BAG4: variants seen among roughly 807,000 people sequenced by gnomAD.
The protein encoded by BAG4 is BAG cochaperone 4.
BAG4 carries 28 observed loss-of-function variants against 52.1 expected under a neutral mutation model. That is an observed-to-expected ratio of 0.54 (90% CI 0.40 to 0.74). The LOEUF (loss-of-function observed/expected upper bound fraction) is 0.74, where lower values mean the gene tolerates loss of function less well. Among genes scored for constraint, BAG4 ranks in the 30% least tolerant of loss-of-function variants. The pLI is 0.00. For missense variants in BAG4, 525 were observed against 572.0 expected, an observed-to-expected ratio of 0.92 and a Z score of 0.84; for synonymous variants, 208 against 217.0, an observed-to-expected ratio of 0.96 and a Z score of 0.37.
At chr8:38,200,315 C>G (rs1563283502) in intron 2 of BAG4, among the ~76,000 whole-genome samples, 1 of 151,740 alleles carries the variant, frequency 6.6e-6, no homozygotes, top group African/African-American at 2.4e-5. Context: ...CCTGGGTACC[C>G]TTCCTAAAAA....
intron 2 of BAG4, chr8:38,202,115 C>T (rs1220265494): frequency 6.6e-6 from 1 of 151,304 alleles, no homozygotes; most frequent in Non-Finnish European, 1.5e-5. Context: ...AGGGTGTGAA[C>T]AGCACGGAAG....
chr8:38,188,021 A>G, intron 1 of BAG4, among the ~76,000 whole-genome samples: 1 of 127,122 alleles, frequency 7.9e-6, no homozygotes, highest in Admixed American at 9.5e-5. Flanking sequence ...TGGGTGATAG[A>G]GTGAGACTCC....
intron 2 of BAG4, among the ~76,000 whole-genome samples, chr8:38,193,293 C>T (rs1803506379): frequency 6.6e-6 from 1 of 151,750 alleles, no homozygotes; most frequent in Non-Finnish European, 1.5e-5. Flanking sequence ...GTGGTGGGCG[C>T]CTGTACTCCC....
At position 38,176,889 on chromosome 8, in the gene BAG4, C is replaced by G. The variant is rs763796427; in HGVS notation, c.20C>G (p.Ser7Trp). Residue 7 changes from serine to tryptophan, a missense_variant, in exon 1 of 5, where the codon TCG (serine) becomes TGG (tryptophan). Ser to Trp is a radical substitution (Grantham distance 177). Coordinates refer to ENST00000287322, the MANE Select transcript of BAG4 (RefSeq NM_004874.4). Reference sequence around the variant, plus strand: ...GATCCCATGTCGGCCCTGAGGCGCTCGGGCTACGGCCCCAGTGACGGTCCG... The same window carrying G: ...GATCCCATGTCGGCCCTGAGGCGCTGGGGCTACGGCCCCAGTGACGGTCCG... MSALRR[S>W]GYGPSDGPSY... 9 of 1,540,680 alleles carry G rather than the reference C, an allele frequency of 5.8e-6. No individual in the cohort carries two copies. The highest frequency in any genetic ancestry group is 4.8e-5 in the South Asian group (4 of 83,094).
Position 38,212,844 on chromosome 8 carries a change from T to C in BAG4, c.*2351T>C, listed in dbSNP as rs1409492325. The stretch of plus-strand genomic sequence containing the variant: ...GCTTAAACTTTTGCTCATTTTACTA[T>C]CCATTGGCAGATCTTGCTTGTGGCA... On this transcript the variant is annotated 3_prime_UTR_variant, in exon 5 of 5. Coordinates refer to ENST00000287322, the MANE Select transcript of BAG4 (RefSeq NM_004874.4). 6.6e-6 allele frequency: 1 copy of C among 152,208 alleles called. No homozygotes were observed. The highest frequency in any genetic ancestry group is 2.4e-5 in the African/African-American group (1 of 41,448). The allele number at this position is 152,208 out of a possible 1,614,324, so 9.4% of individuals were successfully genotyped here. A position where few individuals can be genotyped will look rare whatever the true frequency, so the allele number is the denominator to read the frequency against.
In BAG4 at chr8:38,207,771, GTTGTTTTCTATTGGGAAAAAAA is replaced by G. The variant is rs748712449; in HGVS notation, c.633+7_633+28del. On this transcript the variant is annotated splice_donor_region_variant and intron_variant, in intron 3 of 4. Coordinates refer to ENST00000287322, the MANE Select transcript of BAG4 (RefSeq NM_004874.4). Reference sequence around the variant, plus strand: ...CCAGGATATCCGCCTTCACAGGTGAGTTGTTTTCTATTGGGAAAAAAATGAATTCAAAGTCTCTGCCTCTTGT... The same window carrying G: ...CCAGGATATCCGCCTTCACAGGTGAGTGAATTCAAAGTCTCTGCCTCTTGT... 34 of 1,613,388 alleles carry G rather than the reference GTTGTTTTCTATTGGGAAAAAAA, an allele frequency of 2.1e-5. No homozygotes were observed. In the African/African-American group the frequency reaches 4.3e-4, roughly 20 times the overall value.
chr8:38,208,409 A>G (rs1585668033), intron 3 of BAG4, among the ~76,000 whole-genome samples: 2 of 145,066 alleles, frequency 1.4e-5, no homozygotes, highest in East Asian at 4.1e-4. Context: ...TCCTGGGTTC[A>G]TGCCATTCTC....
At chr8:38,189,231 C>G (rs907097131) in intron 1 of BAG4, among the ~76,000 whole-genome samples, 3 of 152,268 alleles carry the variant, frequency 2.0e-5, no homozygotes, top group Admixed American at 2.0e-4. Context: ...AGACGTAAGC[C>G]ACCATGCCAG....
chr8:38,188,668 C>CATATATATACAT (rs1233683059), intron 1 of BAG4, among the ~76,000 whole-genome samples: 2 of 1,154 alleles, frequency 1.7e-3, no homozygotes, highest in Non-Finnish European at 3.8e-3. Context: ...TACATGTATA[C>CATATATATACAT]ATATACATGT....
chr8:38,195,708 C>G (rs1336724923), intron 2 of BAG4, among the ~76,000 whole-genome samples: 1 of 152,142 alleles, frequency 6.6e-6, no homozygotes, highest in Admixed American at 6.6e-5. Flanking sequence ...TCAGCCTCAT[C>G]CCTGTGACTG....
chr8:38,198,653 T>A (rs1439762224), intron 2 of BAG4, among the ~76,000 whole-genome samples: 1 of 151,826 alleles, frequency 6.6e-6, no homozygotes, highest in East Asian at 2.0e-4. Context: ...CACGCCCGGC[T>A]AATTTTTTGT....
At position 38,207,500 on chromosome 8, in the gene BAG4, G is replaced by T. The variant is rs1457610129; in HGVS notation, c.379-12G>T. The T allele has an allele frequency of 1.2e-6, 2 of 1,602,868 alleles. No homozygotes were observed. Among genetic ancestry groups the T allele is most frequent in the Admixed American group, 1.7e-5 (1 of 58,966 alleles). On this transcript the variant is annotated splice_polypyrimidine_tract_variant and intron_variant, in intron 2 of 4. Coordinates refer to ENST00000287322, the MANE Select transcript of BAG4 (RefSeq NM_004874.4). ...AATTCATCTTTTTTTCACTCAACTT[G>T]GTTTTTTTCAGAGTTTGAATTCTTA...
intron 1 of BAG4, among the ~76,000 whole-genome samples, 160 bp from the exon 2 acceptor site, chr8:38,192,528 C>G (rs1236588537): frequency 6.6e-6 from 1 of 151,936 alleles, no homozygotes; most frequent in Non-Finnish European, 1.5e-5. Flanking sequence ...CCACCTCAGC[C>G]TCCGCAGTAG....
intron 2 of BAG4, among the ~76,000 whole-genome samples, chr8:38,193,351 G>A (rs993278150): frequency 5.3e-5 from 8 of 151,766 alleles, no homozygotes; most frequent in African/African-American, 9.7e-5. Flanking sequence ...CCCAGGAGGC[G>A]GAGGTTGCAG....
intron 2 of BAG4, among the ~76,000 whole-genome samples, chr8:38,196,321 A>G (rs1168129916): frequency 6.6e-6 from 1 of 152,106 alleles, no homozygotes; most frequent in East Asian, 1.9e-4. Flanking sequence ...GAGGGCTCTG[A>G]TTTCTCCACA....
intron 2 of BAG4, among the ~76,000 whole-genome samples, chr8:38,205,202 ATTTTTTTTTTTTTTTTTTTT>A (rs35284937): frequency 2.5e-5 from 2 of 79,240 alleles, no homozygotes; most frequent in East Asian, 8.9e-4. Flanking sequence ...CAGCTAATTA[ATTTTTTTTTTTTTTTTTTTT>A]TTTTTTTTTG....
intron 2 of BAG4, among the ~76,000 whole-genome samples, chr8:38,199,423 A>G (rs1263453841): frequency 6.6e-6 from 1 of 152,172 alleles, no homozygotes; most frequent in Non-Finnish European, 1.5e-5. Flanking sequence ...AATTTTGATC[A>G]AGTGCAATTT....
In BAG4 at chr8:38,210,230, C is replaced by G. The variant is rs1244010787; in HGVS notation, c.1111C>G (p.Pro371Ala). The change falls in exon 5 of 5, where the codon CCT (proline) becomes GCT (alanine). Residue 371 changes from proline to alanine, a missense_variant. This residue lies in a region of BAG4 where 238 missense variants were observed against 305.8 expected (regional missense o/e 0.78). Coordinates refer to ENST00000287322, the MANE Select transcript of BAG4 (RefSeq NM_004874.4). ...QSSSLPEECVPSDESTPPSIK... is the reference protein window; with the variant it reads ...QSSSLPEECVASDESTPPSIK... Reference sequence around the variant, plus strand: ...TAGCAGTCTTCCTGAAGAATGTGTACCTTCAGATGAAAGTACTCCTCCGAG... The same window carrying G: ...TAGCAGTCTTCCTGAAGAATGTGTAGCTTCAGATGAAAGTACTCCTCCGAG... 6.2e-7 allele frequency: 1 copy of G among 1,614,070 alleles called. No homozygotes were observed.
Position 38,176,869 on chromosome 8 carries a change from C to T in BAG4, c.-1C>T. ...GGAAGCGCTTCAGGGCAGCGGATCCCATGTCGGCCCTGAGGCGCTCGGGCT... is the reference window on the plus strand; with the variant it reads ...GGAAGCGCTTCAGGGCAGCGGATCCTATGTCGGCCCTGAGGCGCTCGGGCT... On this transcript the variant is annotated 5_prime_UTR_variant, in exon 1 of 5. Coordinates refer to ENST00000287322, the MANE Select transcript of BAG4 (RefSeq NM_004874.4). The T allele has an allele frequency of 2.0e-6, 3 of 1,508,746 alleles. No individual in the cohort carries two copies. The highest frequency in any genetic ancestry group is 2.5e-5 in the East Asian group (1 of 39,566). 93.5% of individuals were successfully genotyped at this position (1,508,746 alleles called of 1,614,324 possible).
Sources: gnomAD v4.1 joint callset for allele counts (sites outside exome capture counted in the v4.1 genomes callset) on GRCh38, gnomAD v4.1.1 for gene constraint, gnomAD v4.1.1 regional missense constraint, MANE v1.5 for transcripts, NCBI Gene and HGNC (gene_info 2026-07-23, HGNC 2026-07-21) for gene names.